Variants in RFC3 observed in about 807,000 individuals in gnomAD.
RFC3 encodes A1 38 kDa subunit.
A neutral mutation model predicts 45.1 loss-of-function variants in RFC3; 41 were observed. The observed-to-expected ratio is 0.91, with a 90% CI of 0.71 to 1.18. The LOEUF is 1.18. Among genes scored for constraint, RFC3 ranks in the 50% most tolerant of loss-of-function variants. The pLI is 0.00. For synonymous variants in RFC3, 149 were observed against 144.0 expected, an observed-to-expected ratio of 1.03 and a Z score of -0.25; for missense variants, 423 against 428.1, an observed-to-expected ratio of 0.99 and a Z score of 0.10.
Position 33,831,338 on chromosome 13 carries a change from C to G in RFC3, c.793C>G (p.Gln265Glu). Residue 265 changes from glutamine to glutamate, a missense_variant, in exon 7 of 9, where the codon CAG (glutamine) becomes GAG (glutamate). By Grantham distance (29) the Gln-to-Glu change is conservative. Coordinates refer to ENST00000380071, the MANE Select transcript of RFC3 (RefSeq NM_002915.4). ...GGAGACTGCAAATGCTATTGTCAGT[C>G]AGCAAACTCCACAAAGGTACCAGTA... is the stretch of plus-strand genomic sequence containing the variant. Reference protein sequence around the residue: ...LRETANAIVSQQTPQRLLEVR... With the variant: ...LRETANAIVSEQTPQRLLEVR... The G allele has an allele frequency of 1.9e-6, 3 of 1,590,730 alleles. No individual in the cohort carries two copies. Among genetic ancestry groups the G allele is most frequent in the Non-Finnish European group, 2.6e-6 (3 of 1,158,816 alleles).
chr13:33,885,245 T>C (rs1365294742), intron 8 of RFC3, among the ~76,000 whole-genome samples: 2 of 152,056 alleles, frequency 1.3e-5, no homozygotes, highest in Non-Finnish European at 2.9e-5. Context: ...TAGAATAATA[T>C]CATACTATGA....
chr13:33,897,984 C>T (rs1413837614), intron 8 of RFC3, among the ~76,000 whole-genome samples: 2 of 151,730 alleles, frequency 1.3e-5, no homozygotes, highest in Admixed American at 6.6e-5. Flanking sequence ...CTACTATGTA[C>T]TCATAAACAT....
chr13:33,897,324 C>A (rs114394040), intron 8 of RFC3, among the ~76,000 whole-genome samples: 1,771 of 151,562 alleles, frequency 0.012, 36 homozygotes, highest in African/African-American at 0.04. Flanking sequence ...TTTGTGTGAT[C>A]TAAGATAAGT....
chr13:33,819,381 A>C (rs3135541), intron 1 of RFC3, among the ~76,000 whole-genome samples: 33,399 of 152,142 alleles, frequency 0.22, 5,707 homozygotes, highest in African/African-American at 0.44. Context: ...CTTTTAAGGA[A>C]CTCAAATTAA....
At chr13:33,872,699 C>G (rs991927848) in intron 8 of RFC3, among the ~76,000 whole-genome samples, 3 of 151,866 alleles carry the variant, frequency 2.0e-5, no homozygotes, top group African/African-American at 7.3e-5. Flanking sequence ...CACCACTGTA[C>G]TCCAGGCTGG....
downstream of RFC3, among the ~76,000 whole-genome samples, chr13:33,971,052 A>G (rs1409320329): frequency 6.6e-6 from 1 of 152,232 alleles, no homozygotes; most frequent in Non-Finnish European, 1.5e-5. Flanking sequence ...TTTTTATTAA[A>G]AAAAATATAG....
At chr13:33,828,276 G>C (rs1438093145) in intron 4 of RFC3, among the ~76,000 whole-genome samples, 1 of 151,940 alleles carries the variant, frequency 6.6e-6, no homozygotes, top group Non-Finnish European at 1.5e-5. Context: ...TCTCAATTTG[G>C]TCTGGGATTT....
At chr13:33,851,187 A>G (rs2082274182) in intron 8 of RFC3, among the ~76,000 whole-genome samples, 2 of 152,186 alleles carry the variant, frequency 1.3e-5, no homozygotes, top group African/African-American at 2.4e-5. Context: ...TGATTTTTGA[A>G]TTGTTCATGT....
chr13:33,867,427 A>G (rs533339441), intron 8 of RFC3, among the ~76,000 whole-genome samples: 6 of 152,300 alleles, frequency 3.9e-5, no homozygotes, highest in African/African-American at 1.4e-4. Context: ...CTTCCAGTGG[A>G]TGTACTAACA....
At position 33,889,035 on chromosome 13, in the gene RFC3, C is replaced by T. The variant is rs142683568; in HGVS notation, c.879+53818C>T. On this transcript the variant is annotated intron_variant, in intron 8 of 8. Transcript: ENST00000434425. ...CTGGGATTACAGGCATGAGCCATCGCGCCCGGCCCTTTAAAGAAAATCTTA... is the reference window on the plus strand; with the variant it reads ...CTGGGATTACAGGCATGAGCCATCGTGCCCGGCCCTTTAAAGAAAATCTTA... Among the ~76,000 whole-genome samples, 165 of 152,280 alleles carry T rather than the reference C, an allele frequency of 1.1e-3. 1 individual carries two copies. The highest frequency in any genetic ancestry group is 3.0e-3 in the African/African-American group (123 of 41,562).
chr13:33,878,766 A>C (rs1236867853), intron 8 of RFC3, among the ~76,000 whole-genome samples: 1 of 152,164 alleles, frequency 6.6e-6, no homozygotes, highest in Non-Finnish European at 1.5e-5. Flanking sequence ...TTTCCATACC[A>C]GCTTCCATGA....
At chr13:33,925,216 T>G (rs1343325161) in intron 8 of RFC3, among the ~76,000 whole-genome samples, 17 of 116,458 alleles carry the variant, frequency 1.5e-4, no homozygotes, top group Admixed American at 2.7e-4. Flanking sequence ...ACATATAGTG[T>G]ACTATATACA....
At chr13:33,900,468 G>A (rs544742405) in intron 8 of RFC3, among the ~76,000 whole-genome samples, 3 of 151,868 alleles carry the variant, frequency 2.0e-5, no homozygotes, top group Middle Eastern at 3.4e-3. Flanking sequence ...GAAAAACCTG[G>A]TTAACTATCT....
chr13:33,974,150 C>A, the RFC3 span, among the ~76,000 whole-genome samples: 5 of 152,300 alleles, frequency 3.3e-5, no homozygotes, highest in Middle Eastern at 3.4e-3. Flanking sequence ...GCACTCGTGG[C>A]TGCAGAAATC....
At position 33,818,153 on chromosome 13, in the gene RFC3, G is replaced by A. The variant is rs745840273; in HGVS notation, c.-26G>A. On this transcript the variant is annotated 5_prime_UTR_variant, in exon 1 of 9. Transcript: ENST00000380071. ...GCGCGCTCGCGCGGGATTTTCAAGC[G>A]TAGGCCCCCGGGAACTCGAGCTGCC... 14 of 1,599,430 alleles carry A rather than the reference G, an allele frequency of 8.8e-6. No homozygotes were observed. Among genetic ancestry groups the A allele is most frequent in the Non-Finnish European group, 1.2e-5 (14 of 1,169,624 alleles).
intron 8 of RFC3, among the ~76,000 whole-genome samples, chr13:33,871,815 C>T (rs1486879395): frequency 6.6e-6 from 1 of 152,076 alleles, no homozygotes; most frequent in Non-Finnish European, 1.5e-5. Flanking sequence ...CACTCAGTCT[C>T]CCTGACCTCT....
chr13:33,906,826 C>G (rs927324296), intron 8 of RFC3, among the ~76,000 whole-genome samples: 1 of 151,890 alleles, frequency 6.6e-6, no homozygotes, highest in Non-Finnish European at 1.5e-5. Flanking sequence ...TAAATAATAT[C>G]TATTAGGATG....
At chr13:33,950,769 T>TCC (rs965009590) in intron 8 of RFC3, among the ~76,000 whole-genome samples, 3 of 143,638 alleles carry the variant, frequency 2.1e-5, no homozygotes, top group African/African-American at 8.8e-5. Flanking sequence ...CTTCTCTTTC[T>TCC]CTCTCTCTCT....
chr13:33,928,608 A>G (rs557398641), intron 8 of RFC3, among the ~76,000 whole-genome samples: 53 of 152,192 alleles, frequency 3.5e-4, no homozygotes, highest in Non-Finnish European at 4.0e-4. Context: ...CCTCTTCCCA[A>G]CTCTAACTTT....
Sources: gnomAD v4.1 joint callset for allele counts (sites outside exome capture counted in the v4.1 genomes callset) on GRCh38, gnomAD v4.1.1 for gene constraint, MANE v1.5 for transcripts, NCBI Gene and HGNC (gene_info 2026-07-23, HGNC 2026-07-21) for gene names.